Variants in RGS7 observed in about 807,000 individuals in gnomAD.
RGS7 encodes regulator of G-protein signaling 7.
RGS7 carries 27 observed loss-of-function variants against 81.1 expected under a neutral mutation model. The ratio of observed to expected loss-of-function variants is 0.33; its 90% CI spans 0.25 to 0.46. The LOEUF is 0.46. Ranked by LOEUF, RGS7 falls within the 20% of genes least tolerant of loss-of-function variation. The pLI is 1.00. For synonymous variants in RGS7, 208 were observed against 207.7 expected (o/e 1.00, Z -0.01); for missense variants, 396 against 607.4 (o/e 0.65, Z 3.66).
chr1:241,334,091 G>T (rs2082113660), intron 2 of RGS7, among the ~76,000 whole-genome samples: 1 of 151,564 alleles, frequency 6.6e-6, no homozygotes, highest in South Asian at 2.1e-4. Flanking sequence ...GTATACTCTT[G>T]AAAGTATTTT....
At chr1:241,084,870 C>T (rs1023543652) in intron 3 of RGS7, among the ~76,000 whole-genome samples, 15 of 152,244 alleles carry the variant, frequency 9.9e-5, no homozygotes, top group Admixed American at 8.5e-4. Context: ...ATTTTCTTCC[C>T]TATTAACAGT....
At chr1:240,827,316 C>A (rs1380817642) in intron 9 of RGS7, 144 bp from the exon 10 acceptor site, 9 of 719,272 alleles carry the variant, frequency 1.3e-5, no homozygotes, top group African/African-American at 5.2e-5. Flanking sequence ...ATGGCCACAG[C>A]CAGTCCCATC....
chr1:241,125,535 T>A (rs1405133558), intron 2 of RGS7, among the ~76,000 whole-genome samples: 1 of 152,094 alleles, frequency 6.6e-6, no homozygotes, highest in Admixed American at 6.6e-5. Flanking sequence ...TCCCTCCCAC[T>A]CAGCTTTCAG....
chr1:241,341,132 C>T lies in RGS7; in HGVS notation c.78+14567G>A, dbSNP rs566720073. 8.5e-5 allele frequency among the ~76,000 whole-genome samples: 13 copies of T among 152,314 alleles called. 1 individual carries two copies. The highest frequency in any genetic ancestry group is 3.9e-4 in the Admixed American group (6 of 15,300). Reference sequence around the variant, plus strand: ...ATATTCCACCCCATTTACACAATCACGAAATCGTAGAAATGGTTTGGTTTC... The same window carrying T: ...ATATTCCACCCCATTTACACAATCATGAAATCGTAGAAATGGTTTGGTTTC... On this transcript the variant is annotated intron_variant, in intron 2 of 18. Transcript: ENST00000440928.
chr1:241,179,711 A>C (rs2071442421), intron 2 of RGS7, among the ~76,000 whole-genome samples: 1 of 152,232 alleles, frequency 6.6e-6, no homozygotes. Context: ...AAAGCCTATT[A>C]GTCCAATTCT....
At chr1:241,119,704 C>T (rs138960124) in intron 2 of RGS7, among the ~76,000 whole-genome samples, 1 of 152,310 alleles carries the variant, frequency 6.6e-6, no homozygotes, top group African/African-American at 2.4e-5. Context: ...AAGCCTTTTA[C>T]TATTGGAAAG....
intron 18 of RGS7, among the ~76,000 whole-genome samples, chr1:240,791,206 G>A (rs35548875): frequency 0.053 from 8,063 of 152,282 alleles, 298 homozygotes; most frequent in South Asian, 0.084. Context: ...GGCTTCTGCT[G>A]GTTGAAATTA....
intron 3 of RGS7, among the ~76,000 whole-genome samples, chr1:241,020,016 A>G (rs1558606276): frequency 6.6e-6 from 1 of 152,328 alleles, no homozygotes; most frequent in African/African-American, 2.4e-5. Context: ...TTCTTTGCAT[A>G]TTGGAAATAA....
At position 241,087,976 on chromosome 1, in the gene RGS7, CTATA is replaced by C. The variant is rs1191726960; in HGVS notation, c.175+10686_175+10689del. Among the ~76,000 whole-genome samples the C allele has an allele frequency of 1.4e-3, 130 of 94,726 alleles. 1 individual carries two copies. Among genetic ancestry groups the C allele is most frequent in the African/African-American group, 2.5e-3 (53 of 21,172 alleles). 62.1% of individuals were successfully genotyped at this position (94,726 alleles called of 152,430 possible). On this transcript the variant is annotated intron_variant, in intron 3 of 18. Coordinates refer to ENST00000440928, the MANE Select transcript of RGS7 (RefSeq NM_001364886.1). The stretch of plus-strand genomic sequence containing the variant: ...TCTCTCTCTCTCTCTCTCTCTCTCT[CTATA>C]TATATATATATATATACACACACAC...
Position 241,065,208 on chromosome 1 carries a change from GATAT to G in RGS7, c.175+33454_175+33457del, listed in dbSNP as rs34863622. 3.4e-5 allele frequency among the ~76,000 whole-genome samples: 5 copies of G among 144,960 alleles called. No homozygotes were observed. The East Asian group carries it at 9.9e-4, about 29-fold the overall frequency. ...ATCAGATTAAAAGATATATCATAGAGATATATATATATTATCTTTTAATATATAT... is the reference window on the plus strand; with the variant it reads ...ATCAGATTAAAAGATATATCATAGAGATATATATTATCTTTTAATATATAT... On this transcript the variant is annotated intron_variant, in intron 3 of 18. Transcript: ENST00000440928.
chr1:240,962,578 A>C (rs1046751314), intron 4 of RGS7, among the ~76,000 whole-genome samples: 27 of 152,224 alleles, frequency 1.8e-4, no homozygotes, highest in African/African-American at 6.0e-4. Context: ...TGAAACTGGC[A>C]AATCAACAGA....
intron 9 of RGS7, among the ~76,000 whole-genome samples, chr1:240,844,404 A>G (rs539337943): frequency 1.3e-5 from 2 of 152,294 alleles, no homozygotes; most frequent in South Asian, 4.2e-4. Flanking sequence ...CCTTCCTGCT[A>G]TCATCACCCC....
At chr1:240,788,862 G>C (rs1417276674) in intron 18 of RGS7, among the ~76,000 whole-genome samples, 1 of 152,182 alleles carries the variant, frequency 6.6e-6, no homozygotes, top group Non-Finnish European at 1.5e-5. Flanking sequence ...AGTAGGCAGG[G>C]TGTGGTGGTT....
chr1:240,937,256 G>T (rs529559529), intron 4 of RGS7, among the ~76,000 whole-genome samples: 1 of 152,154 alleles, frequency 6.6e-6, no homozygotes, highest in South Asian at 2.1e-4. Context: ...GTGTGCTCTC[G>T]CAGTGGCCAG....
At chr1:241,064,994 G>A (rs2061977499) in intron 3 of RGS7, among the ~76,000 whole-genome samples, 2 of 152,100 alleles carry the variant, frequency 1.3e-5, no homozygotes, top group South Asian at 4.2e-4. Context: ...TCACACCTAT[G>A]AGACTCTTTA....
chr1:240,885,727 C>A (rs895708770), intron 6 of RGS7, among the ~76,000 whole-genome samples: 14 of 152,088 alleles, frequency 9.2e-5, no homozygotes, highest in African/African-American at 3.4e-4. Context: ...AGGGGAGCAA[C>A]AGACACTGGG....
intron 4 of RGS7, among the ~76,000 whole-genome samples, chr1:240,963,689 A>C (rs555688396): frequency 6.6e-6 from 1 of 152,304 alleles, no homozygotes; most frequent in East Asian, 1.9e-4. Context: ...CTTGAGAGAG[A>C]GGAATTAAGA....
At chr1:240,935,007 G>A (rs1441684703) in intron 5 of RGS7, among the ~76,000 whole-genome samples, 1 of 147,700 alleles carries the variant, frequency 6.8e-6, no homozygotes, top group African/African-American at 2.5e-5. Flanking sequence ...TCCTGCCTCA[G>A]CCTACCAAGT....
chr1:241,135,960 C>CAAAAAAAAAA (rs61617683), intron 2 of RGS7, among the ~76,000 whole-genome samples: 1 of 74,328 alleles, frequency 1.3e-5, no homozygotes, highest in African/African-American at 3.6e-5. Context: ...ATGATAATGA[C>CAAAAAAAAAA]AAAAAAAAAA....
Sources: allele counts gnomAD v4.1 joint callset (sites outside exome capture counted in the v4.1 genomes callset), GRCh38; gene constraint gnomAD v4.1.1; transcripts MANE v1.5; gene names NCBI Gene and HGNC (gene_info 2026-07-23, HGNC 2026-07-21).